The following PRSS53 variants were observed in gnomAD, a reference collection of about 807,000 sequenced individuals.
PRSS53 encodes the protein EDTP308.
PRSS53 carries 54 observed loss-of-function variants against 62.7 expected under a neutral mutation model. The observed-to-expected ratio is 0.86, with a 90% CI of 0.69 to 1.08. The LOEUF is 1.08. Among genes scored for constraint, PRSS53 ranks in the 50% least tolerant of loss-of-function variants. PRSS53 has a pLI of 0.00. For missense variants in PRSS53, 688 were observed against 728.3 expected, an observed-to-expected ratio of 0.94 and a Z score of 0.64; for synonymous variants, 273 against 300.0, an observed-to-expected ratio of 0.91 and a Z score of 0.93.
intron 9 of PRSS53, 87 bp downstream of exon 9, chr16:31,084,470 AG>A: frequency 6.6e-7 from 1 of 1,519,472 alleles, no homozygotes. Context: ...GTGGGTCCAG[AG>A]GCCAAGCCTG....
At chr16:31,085,237 C>G (rs757792377) in exon 7 of PRSS53, 1 of 1,590,960 alleles carries the variant, frequency 6.3e-7, no homozygotes, top group East Asian at 2.2e-5. Flanking sequence ...GCCTGGGGAC[C>G]TGCTGTCCTC....
chr16:31,086,935 C>A, intron 3 of PRSS53, 37 bp from the exon 4 acceptor site: 1 of 1,545,552 alleles, frequency 6.5e-7, no homozygotes, highest in South Asian at 1.2e-5. Context: ...CTGCTGAGTG[C>A]AAGGGTAGAC....
chr16:31,088,448 T>C, intron 1 of PRSS53: 1 of 1,273,860 alleles, frequency 7.9e-7, no homozygotes, highest in Non-Finnish European at 1.0e-6. Flanking sequence ...GAGCCCAGAG[T>C]TTGCCTGACG....
chr16:31,087,194 G>A (rs2057243806), intron 3 of PRSS53: 5 of 522,942 alleles, frequency 9.6e-6, no homozygotes, highest in Non-Finnish European at 1.7e-5. Flanking sequence ...ACATGGTCTT[G>A]CTATGTTGCA....
chr16:31,086,036 G>A lies in PRSS53; in HGVS notation c.811C>T (p.Arg271Ter), dbSNP rs756309438. 8.1e-6 allele frequency: 13 copies of A among 1,613,858 alleles called. No individual in the cohort carries two copies. Among genetic ancestry groups the A allele is most frequent in the Middle Eastern group, 3.3e-4 (2 of 6,016 alleles). Residue 271 changes from arginine (R) to a stop codon, truncating the protein, a stop_gained, in exon 6 of 11, where the codon CGA becomes TGA. Coordinates refer to ENST00000280606, the Ensembl canonical transcript of PRSS53. LOFTEE classifies it high-confidence loss of function. ...GCCAGGAAAGCTGCCCCCTGAACTC[G>A]AGCCTGCAGCCAGGAACTGTGAGCA...
chr16:31,088,942 C>T (rs1168935872), exon 1 of PRSS53: 11 of 1,496,038 alleles, frequency 7.4e-6, no homozygotes, highest in Admixed American at 2.0e-5. Flanking sequence ...CAGTTCCTAG[C>T]TCTGGGGCTG....
intron 10 of PRSS53, 114 bp downstream of exon 10, chr16:31,084,005 C>G: frequency 6.7e-7 from 1 of 1,499,122 alleles, no homozygotes; most frequent in Non-Finnish European, 8.9e-7. Context: ...ATGGGTCTGC[C>G]TGTTGCTCCA....
Position 31,086,616 on chromosome 16 carries a change from T to C in PRSS53, c.508+17A>G. On this transcript the variant is annotated intron_variant, in intron 4 of 10. Transcript: ENST00000280606. ...AGCAGAGTGCCTCTCCGAGCTTCAG[T>C]CTGGGCCAGCACTTACCATCACTGG... 6.5e-7 allele frequency: 1 copy of C among 1,542,306 alleles called. No homozygotes were observed. The highest frequency in any genetic ancestry group is 8.8e-7 in the Non-Finnish European group (1 of 1,140,568).
At chr16:31,086,724 G>A in exon 4 of PRSS53, 1 of 1,587,358 alleles carries the variant, frequency 6.3e-7, no homozygotes, top group Admixed American at 1.8e-5. Context: ...GGGGTGTGTG[G>A]GTCGTGGGGT....
At chr16:31,087,617 C>T (rs771532659) in exon 3 of PRSS53, 1 of 1,610,656 alleles carries the variant, frequency 6.2e-7, no homozygotes, top group South Asian at 1.1e-5. Flanking sequence ...CTTGCCTCCT[C>T]ACACTGGCCT....
chr16:31,086,964 C>T, intron 3 of PRSS53, 66 bp from the exon 4 acceptor site: 1 of 1,478,270 alleles, frequency 6.8e-7, no homozygotes. Flanking sequence ...CATGGGAGAC[C>T]CCACAGGTAG....
Position 31,086,080 on chromosome 16 carries a change from A to AC in PRSS53, c.766dup (p.Val256GlyfsTer34), listed in dbSNP as rs758491039. On this transcript the variant is annotated frameshift_variant, in exon 6 of 11. Transcript: ENST00000280606. LOFTEE classifies it high-confidence loss of function. ...GTGAGCAGCTGTGTTGGTCAGCAGC[A>AC]CAGGAGCGTCCTCCTGGGCACAGCT... 9.9e-6 allele frequency: 16 copies of AC among 1,613,718 alleles called. No homozygotes were observed. The African/African-American group carries it at 1.9e-4, about 19-fold the overall frequency.
chr16:31,087,935 T>C (rs2057252083), intron 1 of PRSS53, 109 bp from the exon 2 acceptor site: 3 of 1,559,908 alleles, frequency 1.9e-6, no homozygotes, highest in Non-Finnish European at 2.6e-6. Context: ...CCTGTGACTC[T>C]GATTACCTTA....
chr16:31,086,770 C>T (rs561799109), exon 4 of PRSS53: 1 of 1,612,860 alleles, frequency 6.2e-7, no homozygotes, highest in Non-Finnish European at 8.5e-7. Flanking sequence ...TGAGCCCTGG[C>T]TGTAGTGGTT....
intron 5 of PRSS53, 56 bp downstream of exon 5, chr16:31,086,279 ACC>A: frequency 6.3e-7 from 1 of 1,583,306 alleles, no homozygotes; most frequent in Non-Finnish European, 8.6e-7. Flanking sequence ...TGTGAGTCCA[ACC>A]CCCAGCCCAG....
At chr16:31,087,027 C>T (rs969014321) in intron 3 of PRSS53, 129 bp from the exon 4 acceptor site, 20 of 987,998 alleles carry the variant, frequency 2.0e-5, no homozygotes, top group Admixed American at 1.3e-4. Context: ...GGTAGGGTCT[C>T]GTCCTGTCGC....
At chr16:31,084,170 C>A in exon 10 of PRSS53, 1 of 1,602,550 alleles carries the variant, frequency 6.2e-7, no homozygotes, top group Non-Finnish European at 8.5e-7. Flanking sequence ...GGTTCCTCGG[C>A]GAAGTAGACC....
chr16:31,088,284 C>T lies in PRSS53; in HGVS notation c.59-458G>A, dbSNP rs1031586507. 6.2e-6 allele frequency: 7 copies of T among 1,129,804 alleles called. No individual in the cohort carries two copies. The African/African-American group carries it at 6.4e-5, about 10-fold the overall frequency. The allele number at this position is 1,129,804 out of a possible 1,614,324, so 70.0% of individuals were successfully genotyped here. A position where few individuals can be genotyped will look rare whatever the true frequency, so the allele number is the denominator to read the frequency against. ...GACTTACCTCACCCTGGTCTAGAGACTCAGTCTTCCCCACCTTCCCAGAAA... is the reference window on the plus strand; with the variant it reads ...GACTTACCTCACCCTGGTCTAGAGATTCAGTCTTCCCCACCTTCCCAGAAA... On this transcript the variant is annotated intron_variant, in intron 1 of 10. Transcript: ENST00000280606.
intron 10 of PRSS53, 70 bp from the exon 11 acceptor site, chr16:31,083,879 C>T: frequency 6.1e-6 from 9 of 1,481,566 alleles, no homozygotes; most frequent in Admixed American, 1.8e-5. Flanking sequence ...CCTCCCCATT[C>T]CTCGAAGGAA....
Sources: gnomAD v4.1 joint callset for allele counts on GRCh38, gnomAD v4.1.1 for gene constraint, MANE v1.5 for transcripts, NCBI Gene and HGNC (gene_info 2026-07-23, HGNC 2026-07-21) for gene names.